The following ASIC2 variants were observed in gnomAD, a reference collection of about 807,000 sequenced individuals.
ASIC2 encodes the protein acid sensing ion channel subunit 2.
A neutral mutation model predicts 57.3 loss-of-function variants in ASIC2; 25 were observed. The observed-to-expected ratio is 0.44, with a 90% CI of 0.32 to 0.61. The LOEUF is 0.61. ASIC2 is among the 20% of genes least tolerant of loss of function. ASIC2 has a pLI of 0.06. For synonymous variants in ASIC2, 319 were observed against 307.5 expected, an observed-to-expected ratio of 1.04 and a Z score of -0.39; for missense variants, 641 against 738.1, an observed-to-expected ratio of 0.87 and a Z score of 1.52.
intron 1 of ASIC2, among the ~76,000 whole-genome samples, chr17:33,444,173 A>G (rs1280553942): frequency 1.3e-5 from 2 of 152,204 alleles, no homozygotes; most frequent in Admixed American, 6.5e-5. Context: ...CCAGTTTTAT[A>G]GTTGTTTCAG....
At chr17:33,737,151 G>A (rs1298968508) in intron 1 of ASIC2, among the ~76,000 whole-genome samples, 5 of 152,218 alleles carry the variant, frequency 3.3e-5, no homozygotes, top group African/African-American at 9.6e-5. Flanking sequence ...CCTGCTCCAC[G>A]CCTCCACATT....
rs367841139 is a variant in ASIC2 at position 33,013,103 on chromosome 17, T to A, written c.*862A>T. 2 of 152,446 alleles carry A rather than the reference T, an allele frequency of 1.3e-5. No homozygotes were observed. Among genetic ancestry groups the A allele is most frequent in the African/African-American group, 4.8e-5 (2 of 41,548 alleles). The allele number at this position is 152,446 out of a possible 1,614,324, so 9.4% of individuals were successfully genotyped here. A position where few individuals can be genotyped will look rare whatever the true frequency, so the allele number is the denominator to read the frequency against. ...ACTCAGCCATTTCCACAAGACCAGC[T>A]TTTAATATGACTGTGATTTGAAGCA... On this transcript the variant is annotated 3_prime_UTR_variant, in exon 10 of 10. Coordinates refer to ENST00000225823, the MANE Select transcript of ASIC2 (RefSeq NM_183377.2).
chr17:33,922,578 A>G (rs2141965934), intron 1 of ASIC2, among the ~76,000 whole-genome samples: 1 of 152,370 alleles, frequency 6.6e-6, no homozygotes, highest in African/African-American at 2.4e-5. Flanking sequence ...ATGAATCAGT[A>G]AAATAATGAA....
intron 1 of ASIC2, among the ~76,000 whole-genome samples, chr17:33,444,673 C>T (rs192619172): frequency 6.6e-6 from 1 of 152,118 alleles, no homozygotes; most frequent in East Asian, 1.9e-4. Context: ...ACTGCACTGG[C>T]CGCAGGGAAG....
chr17:33,040,282 G>A (rs541180743), intron 3 of ASIC2, among the ~76,000 whole-genome samples: 1 of 152,330 alleles, frequency 6.6e-6, no homozygotes, highest in South Asian at 2.1e-4. Flanking sequence ...TTCCAATGAA[G>A]TCTCCTCTCT....
At chr17:34,034,234 C>T (rs1233784770) in intron 1 of ASIC2, among the ~76,000 whole-genome samples, 4 of 151,434 alleles carry the variant, frequency 2.6e-5, no homozygotes, top group Admixed American at 6.6e-5. Flanking sequence ...TGTAATCCAG[C>T]ATATAAACAG....
chr17:34,143,187 G>A (rs1437363422), intron 1 of ASIC2, among the ~76,000 whole-genome samples: 2 of 152,134 alleles, frequency 1.3e-5, no homozygotes, highest in Non-Finnish European at 2.9e-5. Context: ...ACCCCTAAAG[G>A]GAATCAGAAA....
chr17:34,094,741 AT>A (rs1910458904), intron 1 of ASIC2, among the ~76,000 whole-genome samples: 1 of 152,230 alleles, frequency 6.6e-6, no homozygotes, highest in African/African-American at 2.4e-5. Context: ...CTAAGAGCAC[AT>A]TCAAGGAAAT....
chr17:33,196,933 C>T (rs1906654358), intron 1 of ASIC2, among the ~76,000 whole-genome samples: 3 of 152,244 alleles, frequency 2.0e-5, no homozygotes, highest in African/African-American at 4.8e-5. Flanking sequence ...GCTGTCTGTC[C>T]CCTCCAGGGA....
At chr17:33,715,177 T>C (rs1246683010) in intron 1 of ASIC2, among the ~76,000 whole-genome samples, 1 of 151,978 alleles carries the variant, frequency 6.6e-6, no homozygotes, top group African/African-American at 2.4e-5. Flanking sequence ...TTTTAAATTT[T>C]TTTTAATAGA....
intron 1 of ASIC2, among the ~76,000 whole-genome samples, chr17:33,289,423 T>G (rs894665711): frequency 6.6e-6 from 1 of 152,158 alleles, no homozygotes; most frequent in African/African-American, 2.4e-5. Context: ...TTGCCAAGAC[T>G]CTGATGACCT....
chr17:33,103,547 G>A lies in ASIC2; in HGVS notation c.859+8370C>T, dbSNP rs192141485. 4.6e-3 allele frequency among the ~76,000 whole-genome samples: 696 copies of A among 152,262 alleles called. 7 individuals are homozygous for A. Among genetic ancestry groups the A allele is most frequent in the Middle Eastern group, 0.014 (4 of 294 alleles). Reference sequence around the variant, plus strand: ...TGGCTCTTTGGTGGCTCATTCAGGGGTAAAAGGTCCTTAAAGGCTTCCTTG... The same window carrying A: ...TGGCTCTTTGGTGGCTCATTCAGGGATAAAAGGTCCTTAAAGGCTTCCTTG... On this transcript the variant is annotated intron_variant, in intron 2 of 9. Coordinates refer to ENST00000225823, the MANE Select transcript of ASIC2 (RefSeq NM_183377.2).
intron 1 of ASIC2, among the ~76,000 whole-genome samples, chr17:33,741,057 TA>T (rs1910097337): frequency 6.6e-6 from 1 of 152,122 alleles, no homozygotes; most frequent in African/African-American, 2.4e-5. Context: ...CTTGCTCAGG[TA>T]GACCCAGAAA....
At chr17:33,502,557 A>G (rs1199209652) in intron 1 of ASIC2, among the ~76,000 whole-genome samples, 2 of 152,218 alleles carry the variant, frequency 1.3e-5, no homozygotes, top group Non-Finnish European at 2.9e-5. Flanking sequence ...TGCTTCCAGG[A>G]GAATGGCAGA....
chr17:34,036,266 G>A (rs148560586), intron 1 of ASIC2, among the ~76,000 whole-genome samples: 5,382 of 150,280 alleles, frequency 0.036, 331 homozygotes, highest in African/African-American at 0.13. Context: ...GCAAGCTATC[G>A]CAAGGACAAA....
At chr17:33,325,147 G>T (rs1165286769) in intron 1 of ASIC2, among the ~76,000 whole-genome samples, 1 of 152,174 alleles carries the variant, frequency 6.6e-6, no homozygotes, top group Non-Finnish European at 1.5e-5. Context: ...AAACAAACAA[G>T]AAAGCTAGAT....
At chr17:33,376,924 T>G (rs1909299623) in intron 1 of ASIC2, among the ~76,000 whole-genome samples, 2 of 152,200 alleles carry the variant, frequency 1.3e-5, no homozygotes, top group Admixed American at 1.3e-4. Flanking sequence ...GGAGAGAGAT[T>G]TGAGGATCCC....
At chr17:33,886,600 A>G (rs1177382202) in intron 1 of ASIC2, among the ~76,000 whole-genome samples, 1 of 152,196 alleles carries the variant, frequency 6.6e-6, no homozygotes, top group Non-Finnish European at 1.5e-5. Context: ...AAGTTAAACA[A>G]ATATAGTAAG....
At chr17:33,841,627 T>C (rs1048231081) in intron 1 of ASIC2, among the ~76,000 whole-genome samples, 1 of 152,002 alleles carries the variant, frequency 6.6e-6, no homozygotes, top group Non-Finnish European at 1.5e-5. Flanking sequence ...TTTGGAAGAG[T>C]CCCCGTGGTA....
Sources: gnomAD v4.1 joint callset for allele counts (sites outside exome capture counted in the v4.1 genomes callset) on GRCh38, gnomAD v4.1.1 for gene constraint, MANE v1.5 for transcripts, NCBI Gene and HGNC (gene_info 2026-07-23, HGNC 2026-07-21) for gene names.